The following ZC3HC1 variants were observed in gnomAD, a reference collection of about 807,000 sequenced individuals.
The protein encoded by ZC3HC1 is zinc finger C3HC-type containing 1, also known as zinc finger C3HC-type protein 1.
In ZC3HC1, 38 loss-of-function variants were observed where a neutral mutation model predicts 61.9. The ratio of observed to expected loss-of-function variants is 0.61; its 90% CI spans 0.47 to 0.81. The LOEUF (loss-of-function observed/expected upper bound fraction) is 0.81. Among genes scored for constraint, ZC3HC1 ranks in the 30% least tolerant of loss-of-function variants. The pLI is 0.00. For missense variants in ZC3HC1, 554 were observed against 622.7 expected (o/e 0.89, Z 1.17); for synonymous variants, 213 against 229.9 (o/e 0.93, Z 0.67).
intron 2 of ZC3HC1, chr7:130,045,209 G>A (rs531393523): frequency 2.8e-5 from 5 of 177,816 alleles, no homozygotes; most frequent in Non-Finnish European, 4.9e-5. Flanking sequence ...CATCACTTTG[G>A]TGGCTTACTT....
In ZC3HC1 at chr7:130,024,512, T is replaced by G; in HGVS notation, c.777-6A>C. 6.3e-7 allele frequency: 1 copy of G among 1,594,948 alleles called. No individual in the cohort carries two copies. The highest frequency in any genetic ancestry group is 8.6e-7 in the Non-Finnish European group (1 of 1,169,496). ...GCATGGATTCCAAAGAGGAACTAGA[T>G]AGGAATGAAAAAGAGAGTTTTCTCA... On this transcript the variant is annotated splice_region_variant and splice_polypyrimidine_tract_variant and intron_variant, in intron 6 of 9. Transcript: ENST00000358303.
intron 4 of ZC3HC1, among the ~76,000 whole-genome samples, chr7:130,036,320 C>G (rs1222885606): frequency 6.6e-6 from 1 of 152,030 alleles, no homozygotes; most frequent in African/African-American, 2.4e-5. Context: ...AAGTTCAAGA[C>G]AGCCTGGCCA....
At chr7:130,038,311 T>C (rs1006004886) in intron 4 of ZC3HC1, among the ~76,000 whole-genome samples, 1 of 152,172 alleles carries the variant, frequency 6.6e-6, no homozygotes, top group Non-Finnish European at 1.5e-5. Flanking sequence ...TGTGATAGTG[T>C]ACTGTTTTAC....
chr7:130,034,260 C>A (rs1255034312), intron 4 of ZC3HC1, among the ~76,000 whole-genome samples: 1 of 148,858 alleles, frequency 6.7e-6, no homozygotes, highest in Non-Finnish European at 1.5e-5. Flanking sequence ...CCGAGGCGGG[C>A]GTATCACGAG....
intron 9 of ZC3HC1, among the ~76,000 whole-genome samples, chr7:130,019,633 G>A (rs1351094064): frequency 6.6e-6 from 1 of 152,058 alleles, no homozygotes; most frequent in Admixed American, 6.6e-5. Context: ...GGGAGACAAA[G>A]TAATTCATTA....
In ZC3HC1 at chr7:130,051,151, A is replaced by AC; in HGVS notation, c.146+69dup. The AC allele has an allele frequency of 6.5e-6, 10 of 1,528,660 alleles. No homozygotes were observed. In the South Asian group the frequency reaches 1.2e-4, roughly 18 times the overall value. The allele number at this position is 1,528,660 out of a possible 1,614,324, so 94.7% of individuals were successfully genotyped here. A position where few individuals can be genotyped will look rare whatever the true frequency, so the allele number is the denominator to read the frequency against. On this transcript the variant is annotated intron_variant, in intron 1 of 9. Coordinates refer to ENST00000358303, the MANE Select transcript of ZC3HC1 (RefSeq NM_016478.5). ...CGCCGACCGAGGGGAACCTCCCCCAACCCGCCACCCCTTCCCCAAGCCTTC... is the reference window on the plus strand; with the variant it reads ...CGCCGACCGAGGGGAACCTCCCCCAACCCCGCCACCCCTTCCCCAAGCCTTC...
At position 130,024,315 on chromosome 7, in the gene ZC3HC1, C is replaced by T. The variant is rs773298556; in HGVS notation, c.968G>A (p.Arg323Gln). The T allele has an allele frequency of 1.8e-5, 29 of 1,613,966 alleles. No homozygotes were observed. The highest frequency in any genetic ancestry group is 1.8e-4 in the South Asian group (16 of 91,084). ...ERLPLVPESP[R>Q]RMMTRSQDAT... is the part of the protein sequence containing the mutation. ...ATCCTGGCTCCGGGTCATCATCCTC[C>T]GAGGAGATTCAGGCACCAGAGGTAA... Residue 323 changes from arginine (R) to glutamine (Q), a missense_variant, in exon 7 of 10, where the codon CGG becomes CAG. By Grantham distance (43) the Arg-to-Gln change is conservative. Coordinates refer to ENST00000358303, the MANE Select transcript of ZC3HC1 (RefSeq NM_016478.5).
At position 130,049,145 on chromosome 7, in the gene ZC3HC1, C is replaced by T. The variant is rs1794978216; in HGVS notation, c.147-1G>A. Reference sequence around the variant, plus strand: ...CTGGGATGTGGCAGACGTGTCCTTCCTAATATAAAGTGGCAAAACTGTTGG... The same window carrying T: ...CTGGGATGTGGCAGACGTGTCCTTCTTAATATAAAGTGGCAAAACTGTTGG... On this transcript the variant is annotated splice_acceptor_variant, in intron 1 of 9. Transcript: ENST00000358303. LOFTEE classifies it high-confidence loss of function. The T allele has an allele frequency of 6.3e-7, 1 of 1,589,086 alleles. No homozygotes were observed.
intron 1 of ZC3HC1, among the ~76,000 whole-genome samples, chr7:130,050,739 GA>G (rs1795043469): frequency 6.6e-6 from 1 of 152,084 alleles, no homozygotes; most frequent in African/African-American, 2.4e-5. Context: ...CATACTACTA[GA>G]TATTATGGAC....
intron 4 of ZC3HC1, among the ~76,000 whole-genome samples, chr7:130,035,285 G>C (rs77226455): frequency 6.6e-6 from 1 of 151,826 alleles, no homozygotes; most frequent in African/African-American, 2.4e-5. Flanking sequence ...CAGGTACTCG[G>C]GGGTGCTGAG....
At chr7:130,020,275 T>C (rs1351777089) in intron 9 of ZC3HC1, among the ~76,000 whole-genome samples, 7 of 141,330 alleles carry the variant, frequency 5.0e-5, no homozygotes, top group Admixed American at 7.2e-5. Context: ...CACTTTTTTC[T>C]TTTTTTTTTT....
intron 4 of ZC3HC1, among the ~76,000 whole-genome samples, chr7:130,033,759 A>G (rs1484010725): frequency 6.6e-6 from 1 of 152,004 alleles, no homozygotes; most frequent in African/African-American, 2.4e-5. Context: ...GCCTGTCTGT[A>G]GCATTCTTGA....
intron 4 of ZC3HC1, among the ~76,000 whole-genome samples, chr7:130,037,657 T>C (rs77866194): frequency 0.023 from 3,567 of 152,250 alleles, 120 homozygotes; most frequent in African/African-American, 0.079. Flanking sequence ...CACCCTTTCA[T>C]TGATCAAAGG....
intron 9 of ZC3HC1, among the ~76,000 whole-genome samples, chr7:130,020,080 G>A (rs1793571367): frequency 1.3e-5 from 2 of 151,902 alleles, no homozygotes; most frequent in South Asian, 4.2e-4. Flanking sequence ...CTCCCAAAGT[G>A]CTGGGATTAC....
chr7:130,043,972 G>A, intron 2 of ZC3HC1: 1 of 394,372 alleles, frequency 2.5e-6, no homozygotes, highest in Non-Finnish European at 4.9e-6. Context: ...TGAATCCTGT[G>A]ATGTACAATT....
At chr7:130,048,613 A>G (rs1794956748) in intron 2 of ZC3HC1, among the ~76,000 whole-genome samples, 1 of 152,156 alleles carries the variant, frequency 6.6e-6, no homozygotes, top group South Asian at 2.1e-4. Context: ...TAATAATCTA[A>G]AAAACATTAG....
chr7:130,050,392 A>G, intron 1 of ZC3HC1: 3 of 1,527,798 alleles, frequency 2.0e-6, no homozygotes, highest in Non-Finnish European at 2.6e-6. Flanking sequence ...GCATTATTTT[A>G]ATAAAAATAG....
chr7:130,023,452 T>C lies in ZC3HC1; in HGVS notation c.1233+59A>G, dbSNP rs117585966. 34,969 of 1,549,746 alleles carry C rather than the reference T, an allele frequency of 0.023. 462 individuals carry two copies. Among genetic ancestry groups the C allele is most frequent in the Middle Eastern group, 0.03 (137 of 4,616 alleles). ...CTCCTGCCTGCTTCTCCATGCTGCC[T>C]AGGGAGGGCCCAATATGCTGTTTAT... is the stretch of plus-strand genomic sequence containing the variant. On this transcript the variant is annotated intron_variant, in intron 8 of 9. Coordinates refer to ENST00000358303, the MANE Select transcript of ZC3HC1 (RefSeq NM_016478.5). This position sits in a 1 kb window ranked among gnomAD's most constrained non-coding sequence, Gnocchi z 4.2.
chr7:130,022,663 T>A, intron 8 of ZC3HC1, 138 bp from the exon 9 acceptor site: 1 of 905,512 alleles, frequency 1.1e-6, no homozygotes, highest in Non-Finnish European at 1.7e-6. Context: ...AAACTTTGCC[T>A]ACACATTTTC....
Sources: gnomAD v4.1 joint callset for allele counts (sites outside exome capture counted in the v4.1 genomes callset) on GRCh38, gnomAD v4.1.1 for gene constraint, Gnocchi (gnomAD v3.1) non-coding constraint, MANE v1.5 for transcripts, NCBI Gene and HGNC (gene_info 2026-07-23, HGNC 2026-07-21) for gene names.